LMNB1: variants seen among roughly 807,000 people sequenced by gnomAD.
LMNB1 encodes lamin B1.
In LMNB1, 23 loss-of-function variants were observed where a neutral mutation model predicts 67.1. That is an observed-to-expected ratio of 0.34 (90% CI 0.25 to 0.49). The LOEUF is 0.49. Ranked by LOEUF, LMNB1 falls within the 20% of genes least tolerant of loss-of-function variation. The pLI is 0.99. For missense variants in LMNB1, 634 were observed against 746.5 expected (o/e 0.85, Z 1.76); for synonymous variants, 281 against 282.9 (o/e 0.99, Z 0.07).
intron 1 of LMNB1, among the ~76,000 whole-genome samples, chr5:126,798,756 A>G (rs1044857158): frequency 1.8e-5 from 2 of 112,852 alleles, no homozygotes; most frequent in African/African-American, 6.8e-5. Context: ...AGGATGAAAA[A>G]AGAGAAGTGT....
intron 9 of LMNB1, among the ~76,000 whole-genome samples, chr5:126,827,417 T>C (rs1580556540): frequency 6.6e-6 from 1 of 152,136 alleles, no homozygotes; most frequent in Non-Finnish European, 1.5e-5. Flanking sequence ...CCCAGCACTT[T>C]GGGAGGCCGA....
chr5:126,789,642 C>T (rs1326143598), intron 1 of LMNB1, among the ~76,000 whole-genome samples: 1 of 152,104 alleles, frequency 6.6e-6, no homozygotes, highest in Non-Finnish European at 1.5e-5. Context: ...TACTGTGATC[C>T]TCTTAAAATA....
At chr5:126,821,194 C>A (rs372322663) in intron 7 of LMNB1, 59 bp downstream of exon 7, 14 of 1,114,896 alleles carry the variant, frequency 1.3e-5, no homozygotes, top group Non-Finnish European at 1.6e-5. Context: ...GATTCTCTTG[C>A]AATTGTCATA....
chr5:126,818,712 T>A (rs1373450228), intron 5 of LMNB1, among the ~76,000 whole-genome samples: 1 of 152,262 alleles, frequency 6.6e-6, no homozygotes, highest in African/African-American at 2.4e-5. Context: ...ATATGTCTTT[T>A]ATTCTTTTAT....
chr5:126,828,696 G>C (rs1422007683), intron 9 of LMNB1, among the ~76,000 whole-genome samples: 1 of 151,784 alleles, frequency 6.6e-6, no homozygotes. Context: ...CTGAGTAGCT[G>C]GAACTACAGG....
At chr5:126,830,013 G>A (rs990492591) in intron 9 of LMNB1, among the ~76,000 whole-genome samples, 70 of 151,000 alleles carry the variant, frequency 4.6e-4, no homozygotes, top group Admixed American at 9.2e-4. Context: ...TAGATATAAT[G>A]GAAACTTTTG....
At chr5:126,804,429 A>G (rs1751365295) in intron 1 of LMNB1, among the ~76,000 whole-genome samples, 1 of 152,118 alleles carries the variant, frequency 6.6e-6, no homozygotes, top group Non-Finnish European at 1.5e-5. Context: ...TATGCATTAT[A>G]TTTAAAAAAT....
intron 9 of LMNB1, among the ~76,000 whole-genome samples, chr5:126,828,673 C>T (rs1000014277): frequency 6.6e-6 from 1 of 151,958 alleles, no homozygotes; most frequent in Non-Finnish European, 1.5e-5. Flanking sequence ...CCTCCGCCTC[C>T]TGCCTCAGCC....
In LMNB1 at chr5:126,779,425, TCA is replaced by T. The variant is rs148304027; in HGVS notation, c.359+1562_359+1563del. ...CTTTTAAAATGAGCAGTCAGTTAAC[TCA>T]CACTATTATTTCTATGTTCCTCCAA... On this transcript the variant is annotated intron_variant, in intron 1 of 10. Transcript: ENST00000261366. 4.6e-3 allele frequency among the ~76,000 whole-genome samples: 703 copies of T among 152,360 alleles called. 6 individuals carry two copies. The highest frequency in any genetic ancestry group is 0.016 in the African/African-American group (675 of 41,592).
intron 1 of LMNB1, among the ~76,000 whole-genome samples, chr5:126,804,191 G>A (rs969251111): frequency 6.7e-6 from 1 of 149,802 alleles, no homozygotes; most frequent in Non-Finnish European, 1.5e-5. Context: ...CCCCGCCTAA[G>A]CCTCCCAAGT....
chr5:126,795,194 G>A (rs929836980), intron 1 of LMNB1, among the ~76,000 whole-genome samples: 2 of 145,356 alleles, frequency 1.4e-5, no homozygotes, highest in East Asian at 2.0e-4. Flanking sequence ...CTGGAGTGCC[G>A]TGGCATGACC....
chr5:126,779,370 TTTC>T, intron 1 of LMNB1, among the ~76,000 whole-genome samples: 1 of 152,370 alleles, frequency 6.6e-6, no homozygotes, highest in Non-Finnish European at 1.5e-5. Context: ...TGTATTTCCC[TTTC>T]TTGGATTTAC....
chr5:126,787,544 A>ATT (rs1222029249), intron 1 of LMNB1, among the ~76,000 whole-genome samples: 7 of 76,294 alleles, frequency 9.2e-5, no homozygotes, highest in South Asian at 4.2e-4. Context: ...ATATATATAT[A>ATT]TATTTTTTTT....
intron 6 of LMNB1, among the ~76,000 whole-genome samples, chr5:126,820,608 C>T (rs1400256464): frequency 2.0e-5 from 3 of 152,158 alleles, no homozygotes; most frequent in Admixed American, 6.5e-5. Flanking sequence ...TCACTGCAGC[C>T]TCTGCCTCCC....
intron 1 of LMNB1, among the ~76,000 whole-genome samples, chr5:126,798,753 A>G (rs1437550495): frequency 8.1e-6 from 1 of 123,072 alleles, no homozygotes; most frequent in Non-Finnish European, 1.7e-5. Flanking sequence ...CATAGGATGA[A>G]AAAAGAGAAG....
intron 1 of LMNB1, among the ~76,000 whole-genome samples, chr5:126,784,566 A>G (rs1750715436): frequency 6.8e-6 from 1 of 146,364 alleles, no homozygotes; most frequent in Admixed American, 7.0e-5. Context: ...CATCTTGCCC[A>G]GGCTGGTCTT....
At chr5:126,800,981 A>ATATAT (rs1554113727) in intron 1 of LMNB1, among the ~76,000 whole-genome samples, 26 of 28,014 alleles carry the variant, frequency 9.3e-4, no homozygotes, top group Admixed American at 1.7e-3. Flanking sequence ...ATATATATAT[A>ATATAT]ATTTTTTTTT....
intron 7 of LMNB1, among the ~76,000 whole-genome samples, chr5:126,821,858 G>A (rs557633802): frequency 5.2e-4 from 79 of 152,240 alleles, no homozygotes; most frequent in Middle Eastern, 3.4e-3. Flanking sequence ...TTCAGGGCCT[G>A]CTAAAAGTAG....
At chr5:126,799,961 G>A (rs1240444302) in intron 1 of LMNB1, among the ~76,000 whole-genome samples, 1 of 152,224 alleles carries the variant, frequency 6.6e-6, no homozygotes, top group African/African-American at 2.4e-5. Flanking sequence ...TGTGAAGGCT[G>A]TGGTGGCTTG....
Sources: allele counts gnomAD v4.1 joint callset (sites outside exome capture counted in the v4.1 genomes callset), GRCh38; gene constraint gnomAD v4.1.1; transcripts MANE v1.5; gene names NCBI Gene and HGNC (gene_info 2026-07-23, HGNC 2026-07-21).